CTBP1: variants seen among roughly 807,000 people sequenced by gnomAD.
CTBP1 encodes the protein C-terminal-binding protein 1.
Under a neutral mutation model 42.1 loss-of-function variants are expected in CTBP1, and 11 were observed. That is an observed-to-expected ratio of 0.26 (90% CI 0.16 to 0.43). The LOEUF (loss-of-function observed/expected upper bound fraction) is 0.43, where lower values mean the gene tolerates loss of function less well. Among genes scored for constraint, CTBP1 ranks in the 20% least tolerant of loss-of-function variants. The pLI is 1.00. For missense variants in CTBP1, 399 were observed against 624.3 expected (o/e 0.64, Z 3.85); for synonymous variants, 324 against 277.1 (o/e 1.17, Z -1.68).
intron 7 of CTBP1, 147 bp from the exon 8 acceptor site, chr4:1,213,752 A>T: frequency 8.4e-6 from 9 of 1,068,946 alleles, no homozygotes; most frequent in Non-Finnish European, 1.2e-5. Context: ...AGGCTGGCTG[A>T]GCTCAAGAGC....
chr4:1,250,072 T>G (rs921622749), upstream of CTBP1: 11 of 164,660 alleles, frequency 6.7e-5, no homozygotes, highest in African/African-American at 2.6e-4. Context: ...GTGGCTACTC[T>G]GAGCCCTCTG....
At chr4:1,215,870 T>G in intron 6 of CTBP1, 121 bp downstream of exon 6, 1 of 1,088,146 alleles carries the variant, frequency 9.2e-7, no homozygotes, top group Non-Finnish European at 1.3e-6. Flanking sequence ...GCCGCCGCCA[T>G]GTGGCTCGCT....
In CTBP1 at chr4:1,214,340, C is replaced by T. The variant is rs761023871; in HGVS notation, c.860+3G>A. On this transcript the variant is annotated splice_donor_region_variant and intron_variant, in intron 7 of 9. Transcript: ENST00000382952. ...AGGGGGGCGGCACTGGCCGTGGGGG[C>T]ACCTGAAGGGTTCCGACTCGTGCAC... 3 of 1,550,450 alleles carry T rather than the reference C, an allele frequency of 1.9e-6. No homozygotes were observed. The highest frequency in any genetic ancestry group is 5.0e-5 in the East Asian group (2 of 40,100).
intron 2 of CTBP1, among the ~76,000 whole-genome samples, chr4:1,239,422 G>A (rs187823885): frequency 1.2e-4 from 19 of 152,320 alleles, no homozygotes; most frequent in Non-Finnish European, 2.5e-4. Context: ...GAGGGGAGGC[G>A]CACGACAGAA....
Position 1,238,999 on chromosome 4 carries a change from C to T in CTBP1, c.8-662G>A, listed in dbSNP as rs1005072116. On this transcript the variant is annotated intron_variant, in intron 2 of 9. Coordinates refer to ENST00000382952, the MANE Select transcript of CTBP1 (RefSeq NM_001012614.2). This position sits in a 1 kb window ranked among gnomAD's most constrained non-coding sequence, Gnocchi z 5.9. ...GGGGTCACCAGTGTTTCACGTAGGA[C>T]GCCCCCAACCCTCTGCCTGGCATTA... Among the ~76,000 whole-genome samples the T allele has an allele frequency of 2.6e-5, 4 of 152,164 alleles. No individual in the cohort carries two copies. The highest frequency in any genetic ancestry group is 4.8e-5 in the African/African-American group (2 of 41,424).
chr4:1,215,333 A>C (rs990127042), intron 6 of CTBP1, among the ~76,000 whole-genome samples: 1 of 152,248 alleles, frequency 6.6e-6, no homozygotes, highest in Non-Finnish European at 1.5e-5. Context: ...ATGCACATAC[A>C]TACAAGCTCA....
chr4:1,242,614 C>T (rs990850291), intron 1 of CTBP1: 2 of 985,364 alleles, frequency 2.0e-6, no homozygotes, highest in Admixed American at 6.1e-5. Context: ...CACGCACGCA[C>T]CTCCCATCCA....
chr4:1,228,600 TG>T (rs1192201369), intron 3 of CTBP1, among the ~76,000 whole-genome samples: 2 of 152,166 alleles, frequency 1.3e-5, no homozygotes, highest in East Asian at 3.9e-4. Flanking sequence ...AGGCCGGCAC[TG>T]GTCAGAGTTG....
At chr4:1,245,473 C>T (rs1341553476) in intron 1 of CTBP1, 1 of 985,294 alleles carries the variant, frequency 1.0e-6, no homozygotes, top group Non-Finnish European at 1.2e-6. Flanking sequence ...GAGACAGCCT[C>T]GGATGCCTCT....
chr4:1,220,837 A>G (rs944798956), intron 5 of CTBP1, among the ~76,000 whole-genome samples: 8 of 152,262 alleles, frequency 5.3e-5, no homozygotes, highest in African/African-American at 1.9e-4. Flanking sequence ...GTGGCAGCCC[A>G]GGAGACCCTG....
At chr4:1,242,065 C>A in intron 1 of CTBP1, 1 of 987,474 alleles carries the variant, frequency 1.0e-6, no homozygotes, top group Non-Finnish European at 1.2e-6. Context: ...GCTCCACCTC[C>A]GACCCTCAGT....
Position 1,238,436 on chromosome 4 carries a change from C to T in CTBP1, c.8-99G>A, listed in dbSNP as rs1198749968. The T allele has an allele frequency of 1.4e-6, 2 of 1,392,094 alleles. No individual in the cohort carries two copies. The highest frequency in any genetic ancestry group is 1.4e-5 in the African/African-American group (1 of 69,418). The allele number at this position is 1,392,094 out of a possible 1,614,324, so 86.2% of individuals were successfully genotyped here. ...CTGTGCACGGGCCAACGAGGGCCGA[C>T]CGCCGGGGGTTTTCTGGTCTATATG... On this transcript the variant is annotated intron_variant, in intron 2 of 9. Transcript: ENST00000382952. This position sits in a 1 kb window ranked among gnomAD's most constrained non-coding sequence, Gnocchi z 5.9.
At chr4:1,221,442 G>A (rs1251610125) in intron 5 of CTBP1, 1 of 154,736 alleles carries the variant, frequency 6.5e-6, no homozygotes, top group African/African-American at 2.4e-5. Flanking sequence ...GCACAAAAAA[G>A]ACGGGCAGAA....
chr4:1,212,983 T>G lies in CTBP1; in HGVS notation c.1036A>C (p.Thr346Pro). 6.2e-7 allele frequency: 1 copy of G among 1,613,892 alleles called. No individual in the cohort carries two copies. The highest frequency in any genetic ancestry group is 8.5e-7 in the Non-Finnish European group (1 of 1,179,996). ...LKNCVNKDHL[T>P]AATHWASMDP... ...ATGCTGGCCCAGTGGGTGGCGGCTGTCAGATGGTCCTTGTTGACACAGTTC... is the reference window on the plus strand; with the variant it reads ...ATGCTGGCCCAGTGGGTGGCGGCTGGCAGATGGTCCTTGTTGACACAGTTC... Residue 346 changes from threonine to proline, a missense_variant, in exon 9 of 10, where the codon ACA becomes CCA. Around this residue, in one of 4 missense-constraint regions of CTBP1, gnomAD observed 309 missense variants for 497.5 expected, o/e 0.62. Transcript: ENST00000382952.
intron 1 of CTBP1, chr4:1,245,011 G>C (rs754141968): frequency 5.1e-6 from 5 of 985,458 alleles, no homozygotes; most frequent in Non-Finnish European, 4.8e-6. Context: ...GAGCCGCACA[G>C]CAGCATGGAG....
chr4:1,245,662 CGGCAG>C, intron 1 of CTBP1: 2 of 982,822 alleles, frequency 2.0e-6, no homozygotes, highest in South Asian at 4.7e-5. Flanking sequence ...GTGACACGGG[CGGCAG>C]GGCAGGGTGG....
At chr4:1,228,138 G>A (rs1237071503) in intron 4 of CTBP1, 61 bp downstream of exon 4, 34 of 1,589,418 alleles carry the variant, frequency 2.1e-5, no homozygotes, top group Non-Finnish European at 2.7e-5. Context: ...CTCCATGGAC[G>A]AAGCAAGACG....
At chr4:1,221,890 A>G in intron 5 of CTBP1, 1 of 398,110 alleles carries the variant, frequency 2.5e-6, no homozygotes, top group African/African-American at 2.1e-5. Flanking sequence ...GGAGGGAGGA[A>G]AGAAAGAAAC....
At chr4:1,240,279 C>T (rs545298212) in intron 2 of CTBP1, among the ~76,000 whole-genome samples, 139 of 139,276 alleles carry the variant, frequency 1.0e-3, no homozygotes, top group Non-Finnish European at 1.7e-3. Flanking sequence ...GGTCCCTCGT[C>T]GGAACCGCCT....
Sources: allele counts gnomAD v4.1 joint callset (sites outside exome capture counted in the v4.1 genomes callset), GRCh38; gene constraint gnomAD v4.1.1; regional missense constraint gnomAD v4.1.1; non-coding constraint Gnocchi (gnomAD v3.1); transcripts MANE v1.5; gene names NCBI Gene and HGNC (gene_info 2026-07-23, HGNC 2026-07-21).